The following THRB variants were observed in gnomAD, a reference collection of about 807,000 sequenced individuals.
THRB encodes thyroid hormone receptor beta.
In THRB, 12 loss-of-function variants were observed where a neutral mutation model predicts 47.8. The observed-to-expected ratio is 0.25, with a 90% CI of 0.16 to 0.41. The LOEUF (loss-of-function observed/expected upper bound fraction) is 0.41, where lower values mean the gene tolerates loss of function less well. Ranked by LOEUF, THRB falls within the 10% of genes least tolerant of loss-of-function variation. The probability of loss-of-function intolerance (pLI) is 1.00; values close to 1 mark genes in which losing one functional copy is unlikely to be tolerated. For synonymous variants in THRB, 218 were observed against 212.2 expected (o/e 1.03, Z -0.24); for missense variants, 348 against 589.2 (o/e 0.59, Z 4.24).
chr3:24,491,494 C>A (rs763916008), intron 1 of THRB, among the ~76,000 whole-genome samples: 1 of 152,114 alleles, frequency 6.6e-6, no homozygotes, highest in South Asian at 2.1e-4. Context: ...TTTTATGAAG[C>A]GGCAAAAGAG....
At chr3:24,382,126 A>G (rs1217297969) in intron 1 of THRB, among the ~76,000 whole-genome samples, 1 of 152,124 alleles carries the variant, frequency 6.6e-6, no homozygotes, top group Non-Finnish European at 1.5e-5. Flanking sequence ...TGATGAAAGA[A>G]TAAAGCCAAA....
intron 1 of THRB, among the ~76,000 whole-genome samples, chr3:24,439,837 C>T (rs2071359620): frequency 6.6e-6 from 1 of 152,202 alleles, no homozygotes; most frequent in Admixed American, 6.5e-5. Flanking sequence ...CCATGTAGGA[C>T]ATGATTGCAA....
chr3:24,340,769 C>G (rs563828024), intron 1 of THRB, among the ~76,000 whole-genome samples: 3 of 152,128 alleles, frequency 2.0e-5, no homozygotes, highest in African/African-American at 4.8e-5. Context: ...TTTATGTCTA[C>G]GTCTGAAAGT....
chr3:24,493,725 T>C (rs1698545121), intron 1 of THRB, among the ~76,000 whole-genome samples: 1 of 152,212 alleles, frequency 6.6e-6, no homozygotes, highest in Non-Finnish European at 1.5e-5. Context: ...CTTTTAAAAT[T>C]TTCCATTTGG....
At chr3:24,431,597 G>A (rs751435112) in intron 1 of THRB, among the ~76,000 whole-genome samples, 7 of 152,062 alleles carry the variant, frequency 4.6e-5, no homozygotes, top group Non-Finnish European at 1.0e-4. Context: ...ACCTAATAAA[G>A]AACATATTTA....
chr3:24,403,567 G>A (rs908426430), intron 1 of THRB, among the ~76,000 whole-genome samples: 2 of 151,912 alleles, frequency 1.3e-5, no homozygotes, highest in African/African-American at 4.8e-5. Flanking sequence ...GCAGTAAGGA[G>A]TAAATCTGTG....
intron 1 of THRB, among the ~76,000 whole-genome samples, chr3:24,339,334 C>T (rs2149443063): frequency 6.6e-6 from 1 of 152,196 alleles, no homozygotes; most frequent in Non-Finnish European, 1.5e-5. Context: ...TCTAATTTCA[C>T]ATAAGGTAAT....
intron 3 of THRB, among the ~76,000 whole-genome samples, chr3:24,271,083 A>G (rs1020062848): frequency 1.3e-5 from 2 of 152,160 alleles, no homozygotes; most frequent in East Asian, 3.9e-4. Flanking sequence ...ATTTTCTCAG[A>G]CAAAATTTTT....
chr3:24,476,029 T>G (rs1695404418), intron 1 of THRB, among the ~76,000 whole-genome samples: 1 of 152,230 alleles, frequency 6.6e-6, no homozygotes, highest in Non-Finnish European at 1.5e-5. Context: ...AAGAAGCTGC[T>G]AGGTCCACCC....
chr3:24,283,335 C>T (rs1162705155), intron 3 of THRB, among the ~76,000 whole-genome samples: 6 of 152,094 alleles, frequency 3.9e-5, no homozygotes, highest in Admixed American at 2.0e-4. Context: ...ACAAAAACCA[C>T]GTGATTATCT....
chr3:24,254,268 G>A (rs1422874497), intron 3 of THRB, among the ~76,000 whole-genome samples: 1 of 139,086 alleles, frequency 7.2e-6, no homozygotes, highest in African/African-American at 2.7e-5. Context: ...GGTGGCGGAT[G>A]TCTGTAGTCC....
Position 24,336,722 on chromosome 3 carries a change from C to CCTTTTTT in THRB, c.-189+577_-189+578insAAAAAAG, listed in dbSNP as rs1167185445. 3.9e-4 allele frequency among the ~76,000 whole-genome samples: 53 copies of CCTTTTTT among 135,948 alleles called. 1 individual carries two copies. Among genetic ancestry groups the CCTTTTTT allele is most frequent in the African/African-American group, 1.1e-3 (39 of 36,408 alleles). 89.2% of individuals were successfully genotyped at this position (135,948 alleles called of 152,430 possible). A position where few individuals can be genotyped will look rare whatever the true frequency, so the allele number is the denominator to read the frequency against. On this transcript the variant is annotated intron_variant, in intron 2 of 10. Transcript: ENST00000646209. ...ACCAATGGGTTATCTAATTCTCATGCTTTTTTTTTTTTTTTTTGAGATGGA... is the reference window on the plus strand; with the variant it reads ...ACCAATGGGTTATCTAATTCTCATGCCTTTTTTTTTTTTTTTTTTTTTTTGAGATGGA...
intron 5 of THRB, among the ~76,000 whole-genome samples, chr3:24,188,992 C>CTAT (rs2042999853): frequency 6.6e-6 from 1 of 151,180 alleles, no homozygotes; most frequent in African/African-American, 2.4e-5. Context: ...TTGAATAACT[C>CTAT]TATTTCCAAC....
At chr3:24,453,893 C>T (rs1157913996) in intron 1 of THRB, among the ~76,000 whole-genome samples, 1 of 152,098 alleles carries the variant, frequency 6.6e-6, no homozygotes, top group East Asian at 1.9e-4. Flanking sequence ...TTCTCCTAGC[C>T]CTCAAGACAG....
chr3:24,493,378 C>T (rs532678219), intron 1 of THRB, among the ~76,000 whole-genome samples: 7 of 152,270 alleles, frequency 4.6e-5, no homozygotes, highest in South Asian at 2.1e-4. Flanking sequence ...TAAACTAAAG[C>T]CAAATAATGT....
chr3:24,179,607 T>C lies in THRB; in HGVS notation c.283+10467A>G, dbSNP rs115132143. Among the ~76,000 whole-genome samples the C allele has an allele frequency of 6.1e-3, 929 of 152,292 alleles. 12 individuals are homozygous for C. The highest frequency in any genetic ancestry group is 0.021 in the African/African-American group (861 of 41,558). On this transcript the variant is annotated intron_variant, in intron 5 of 10. Transcript: ENST00000646209. ...CCTGAGGAGCTCTTCCAAGAAAACG[T>C]ACAATTTACTCAACCTTGAAGACTT...
chr3:24,321,242 C>A (rs367713979), intron 2 of THRB, among the ~76,000 whole-genome samples: 1 of 152,152 alleles, frequency 6.6e-6, no homozygotes, highest in African/African-American at 2.4e-5. Flanking sequence ...CACATCCCTG[C>A]AGACTCCACT....
intron 2 of THRB, among the ~76,000 whole-genome samples, chr3:24,304,321 T>A (rs1380800712): frequency 1.3e-5 from 2 of 152,132 alleles, no homozygotes; most frequent in Non-Finnish European, 2.9e-5. Context: ...AAAGTAGATA[T>A]TTTGATAGGA....
intron 1 of THRB, among the ~76,000 whole-genome samples, chr3:24,391,043 G>A (rs757433934): frequency 2.6e-5 from 4 of 152,062 alleles, no homozygotes; most frequent in Non-Finnish European, 5.9e-5. Flanking sequence ...CAGAGTGCAG[G>A]TGCACTGTGC....
Sources: allele counts gnomAD v4.1 joint callset (sites outside exome capture counted in the v4.1 genomes callset), GRCh38; gene constraint gnomAD v4.1.1; transcripts MANE v1.5; gene names NCBI Gene and HGNC (gene_info 2026-07-23, HGNC 2026-07-21).